Variants in ENOX1 observed in about 807,000 individuals in gnomAD.
The protein encoded by ENOX1 is candidate growth-related and time keeping constitutive hydroquinone (NADH) oxidase.
In ENOX1, 42 loss-of-function variants were observed where a neutral mutation model predicts 82.5. That is an observed-to-expected ratio of 0.51 (90% confidence interval 0.40 to 0.66). The LOEUF is 0.66. ENOX1 is among the 30% of genes least tolerant of loss of function. The probability of loss-of-function intolerance (pLI) is 0.00; values close to 1 mark genes in which losing one functional copy is unlikely to be tolerated. For synonymous variants in ENOX1, 271 were observed against 282.2 expected (o/e 0.96, Z 0.40); for missense variants, 608 against 811.6 (o/e 0.75, Z 3.05).
chr13:43,638,125 G>T (rs2083481300), intron 2 of ENOX1, among the ~76,000 whole-genome samples: 1 of 152,104 alleles, frequency 6.6e-6, no homozygotes, highest in Non-Finnish European at 1.5e-5. Context: ...CTATAAAATA[G>T]GACTGTATTT....
chr13:43,491,736 C>T (rs188713625), intron 2 of ENOX1, among the ~76,000 whole-genome samples: 2 of 152,036 alleles, frequency 1.3e-5, no homozygotes, highest in South Asian at 2.1e-4. Flanking sequence ...CACTGCAGCC[C>T]GGGCAACAGA....
chr13:43,357,083 C>A (rs564625818), intron 7 of ENOX1, among the ~76,000 whole-genome samples: 1 of 152,282 alleles, frequency 6.6e-6, no homozygotes, highest in South Asian at 2.1e-4. Context: ...GAAGAGTTGA[C>A]TTTGAGGTTG....
intron 2 of ENOX1, among the ~76,000 whole-genome samples, chr13:43,560,471 CTT>C (rs1432452403): frequency 6.6e-6 from 1 of 152,026 alleles, no homozygotes; most frequent in African/African-American, 2.4e-5. Flanking sequence ...AAAATACTCT[CTT>C]ATTTTAATTT....
chr13:43,311,681 T>C (rs6561117), intron 11 of ENOX1, among the ~76,000 whole-genome samples: 145,108 of 152,198 alleles, frequency 0.95, 69,587 homozygotes, highest in East Asian at 1. Context: ...AAGCAACCCT[T>C]TCAGATCCAA....
intron 14 of ENOX1, among the ~76,000 whole-genome samples, chr13:43,256,607 G>A (rs1198418124): frequency 6.6e-6 from 1 of 152,128 alleles, no homozygotes; most frequent in African/African-American, 2.4e-5. Flanking sequence ...AAACCACAGT[G>A]AGATGTCATC....
At chr13:43,265,180 G>T (rs780230324) in intron 14 of ENOX1, among the ~76,000 whole-genome samples, 5 of 152,212 alleles carry the variant, frequency 3.3e-5, no homozygotes, top group Non-Finnish European at 5.9e-5. Flanking sequence ...TTTTGATGGT[G>T]GGGATTAGCT....
chr13:43,315,147 G>A (rs1243084498), intron 11 of ENOX1, among the ~76,000 whole-genome samples: 2 of 152,146 alleles, frequency 1.3e-5, no homozygotes, highest in African/African-American at 2.4e-5. Flanking sequence ...ACATTCTTCT[G>A]TAATGTTATA....
chr13:43,623,669 C>A (rs2082844748), intron 2 of ENOX1, among the ~76,000 whole-genome samples: 1 of 152,094 alleles, frequency 6.6e-6, no homozygotes, highest in Non-Finnish European at 1.5e-5. Flanking sequence ...TGCGGTCGAT[C>A]TGGAGCTAAA....
At chr13:43,471,433 A>T (rs1426516982) in intron 3 of ENOX1, among the ~76,000 whole-genome samples, 1 of 152,184 alleles carries the variant, frequency 6.6e-6, no homozygotes, top group Non-Finnish European at 1.5e-5. Flanking sequence ...AGAAAAAACA[A>T]AGAATCGTAA....
intron 3 of ENOX1, among the ~76,000 whole-genome samples, chr13:43,444,883 T>G (rs936160720): frequency 2.0e-5 from 3 of 152,174 alleles, no homozygotes; most frequent in Admixed American, 1.3e-4. Flanking sequence ...ACCTCTTCCC[T>G]GGGCATGTGG....
chr13:43,284,201 C>T (rs1344617553), intron 12 of ENOX1, among the ~76,000 whole-genome samples: 1 of 152,006 alleles, frequency 6.6e-6, no homozygotes, highest in Non-Finnish European at 1.5e-5. Context: ...ACAGTTAGGC[C>T]TTTACAAAAA....
intron 1 of ENOX1, among the ~76,000 whole-genome samples, chr13:43,742,409 CAGAG>C (rs918450160): frequency 1.3e-5 from 2 of 150,822 alleles, no homozygotes; most frequent in Non-Finnish European, 2.9e-5. Context: ...CAAAGAGAGA[CAGAG>C]AGAGACAGAG....
At chr13:43,374,598 C>T (rs1299006694) in intron 5 of ENOX1, among the ~76,000 whole-genome samples, 2 of 152,324 alleles carry the variant, frequency 1.3e-5, no homozygotes, top group Middle Eastern at 3.4e-3. Context: ...CTTCAAAGAA[C>T]GTTAGGTACT....
At chr13:43,301,706 T>C (rs934062771) in intron 11 of ENOX1, among the ~76,000 whole-genome samples, 1 of 152,174 alleles carries the variant, frequency 6.6e-6, no homozygotes, top group African/African-American at 2.4e-5. Context: ...AAATTTTCGT[T>C]ACTCATGTGG....
At chr13:43,614,817 T>C (rs1217842475) in intron 2 of ENOX1, among the ~76,000 whole-genome samples, 19 of 152,206 alleles carry the variant, frequency 1.2e-4, no homozygotes, top group Non-Finnish European at 5.9e-5. Context: ...ATGTGGACTC[T>C]GGAGCCTTGC....
intron 12 of ENOX1, among the ~76,000 whole-genome samples, chr13:43,288,675 G>T (rs1174431497): frequency 6.6e-6 from 1 of 152,106 alleles, no homozygotes; most frequent in East Asian, 1.9e-4. Flanking sequence ...TCCTGAATGA[G>T]CCAATAACCA....
intron 5 of ENOX1, among the ~76,000 whole-genome samples, chr13:43,368,551 C>A (rs1387379149): frequency 6.6e-6 from 1 of 152,182 alleles, no homozygotes; most frequent in Non-Finnish European, 1.5e-5. Flanking sequence ...AAAATTCACT[C>A]ACACTGTGGG....
chr13:43,763,072 T>C (rs78809274), intron 1 of ENOX1, among the ~76,000 whole-genome samples: 10 of 152,352 alleles, frequency 6.6e-5, no homozygotes, highest in African/African-American at 2.4e-4. Context: ...TAGAAAATAA[T>C]TTTATTCAAC....
intron 1 of ENOX1, among the ~76,000 whole-genome samples, chr13:43,718,219 GT>G (rs2088286515): frequency 1.5e-5 from 1 of 66,270 alleles, no homozygotes; most frequent in East Asian, 3.4e-4. Flanking sequence ...GTGAAATAAT[GT>G]CCTTTGTAGC....
Sources: allele counts gnomAD v4.1 joint callset (sites outside exome capture counted in the v4.1 genomes callset), GRCh38; gene constraint gnomAD v4.1.1; transcripts MANE v1.5; gene names NCBI Gene and HGNC (gene_info 2026-07-23, HGNC 2026-07-21).